CCDC28B: variants seen among roughly 807,000 people sequenced by gnomAD.
CCDC28B encodes coiled-coil domain-containing protein 28B.
Under a neutral mutation model 18.7 loss-of-function variants are expected in CCDC28B, and 17 were observed. The ratio of observed to expected loss-of-function variants is 0.91; its 90% confidence interval spans 0.62 to 1.36. The LOEUF (loss-of-function observed/expected upper bound fraction) is 1.36, where lower values mean the gene tolerates loss of function less well. Ranked by LOEUF, CCDC28B falls within the 40% of genes most tolerant of loss-of-function variation. The probability of loss-of-function intolerance (pLI) is 0.00; values close to 1 mark genes in which losing one functional copy is unlikely to be tolerated. For synonymous variants in CCDC28B, 116 were observed against 105.1 expected (o/e 1.10, Z -0.64); for missense variants, 213 against 251.7 (o/e 0.85, Z 1.04).
upstream of CCDC28B, chr1:32,196,300 A>T (rs923654521): frequency 6.6e-6 from 1 of 152,526 alleles, no homozygotes; most frequent in African/African-American, 2.4e-5. Context: ...TCCCATGTCC[A>T]GCTGCCTCTT....
chr1:32,202,159 G>T (rs1286512965), intron 2 of CCDC28B, 60 bp downstream of exon 2: 3 of 1,601,858 alleles, frequency 1.9e-6, no homozygotes, highest in Non-Finnish European at 2.6e-6. Context: ...ACTGTAGAGA[G>T]GAAGGCAAGG....
chr1:32,199,800 C>T (rs1290564054), upstream of CCDC28B, among the ~76,000 whole-genome samples: 1 of 152,202 alleles, frequency 6.6e-6, no homozygotes, highest in East Asian at 1.9e-4. Flanking sequence ...GCCGCCTGGC[C>T]AAACATGAGC....
At chr1:32,203,767 T>G in intron 2 of CCDC28B, 112 bp from the exon 3 acceptor site, 2 of 773,082 alleles carry the variant, frequency 2.6e-6, no homozygotes, top group Non-Finnish European at 3.8e-6. Flanking sequence ...GATGGGCAGA[T>G]GAGTTAGTGC....
At chr1:32,200,771 T>G (rs1328192736) in intron 1 of CCDC28B, 62 bp downstream of exon 1, 1 of 152,222 alleles carries the variant, frequency 6.6e-6, no homozygotes, top group Non-Finnish European at 1.5e-5. Context: ...ACGCTCTGTC[T>G]TCGAGCGCGG....
In CCDC28B at chr1:32,201,994, C is replaced by A. The variant is rs546560407; in HGVS notation, c.59C>A (p.Ala20Asp). ...PKPCLAQPAQ[A>D]PGTLRRVPVP... is the part of the protein sequence containing the mutation. ...CCCTGCCTGGCCCAGCCAGCCCAGG[C>A]CCCAGGCACACTACGGAGGGTCCCT... Residue 20 changes from alanine (A) to aspartate (D), a missense_variant, in exon 2 of 6, where the codon GCC (alanine) becomes GAC (aspartate). Physicochemically the swap from Ala to Asp is moderately radical, Grantham distance 126. Coordinates refer to ENST00000373602, the MANE Select transcript of CCDC28B (RefSeq NM_024296.5). The A allele has an allele frequency of 2.5e-6, 4 of 1,613,860 alleles. No homozygotes were observed. The highest frequency in any genetic ancestry group is 1.7e-5 in the Admixed American group (1 of 59,996).
Position 32,204,779 on chromosome 1 carries a change from T to C in CCDC28B, c.548+159T>C. Reference sequence around the variant, plus strand: ...CTGCCCAAACCCAGGTACAGGAATTTAGAATTTCCCCAAAATTAGAAGAAA... The same window carrying C: ...CTGCCCAAACCCAGGTACAGGAATTCAGAATTTCCCCAAAATTAGAAGAAA... On this transcript the variant is annotated intron_variant, in intron 5 of 5. Transcript: ENST00000373602. 2.5e-6 allele frequency: 4 copies of C among 1,609,508 alleles called. No homozygotes were observed. The South Asian group carries it at 4.4e-5, about 18-fold the overall frequency.
intron 5 of CCDC28B, 147 bp downstream of exon 5, chr1:32,204,767 G>T (rs1461791010): frequency 6.2e-7 from 1 of 1,612,622 alleles, no homozygotes. Flanking sequence ...CCCAAACCCA[G>T]GTACAGGAAT....
upstream of CCDC28B, chr1:32,198,343 C>T (rs748175908): frequency 6.6e-6 from 1 of 152,318 alleles, no homozygotes; most frequent in Non-Finnish European, 1.5e-5. Flanking sequence ...CATTCAGCCC[C>T]TTCCATCATC....
At position 32,204,218 on chromosome 1, in the gene CCDC28B, G is replaced by A. The variant is rs765375840; in HGVS notation, c.364G>A (p.Val122Ile). 5.0e-6 allele frequency: 8 copies of A among 1,614,128 alleles called. No homozygotes were observed. The Middle Eastern group carries it at 6.6e-4, about 133-fold the overall frequency. ...KECSFEQLEHVREMQEKLARL... is the reference protein window; with the variant it reads ...KECSFEQLEHIREMQEKLARL... ...ATGCTCCTTTGAGCAGCTGGAGCACGTTCGGGAGATGCAGGAGAAGCTAGC... is the reference window on the plus strand; with the variant it reads ...ATGCTCCTTTGAGCAGCTGGAGCACATTCGGGAGATGCAGGAGAAGCTAGC... Residue 122 changes from valine to isoleucine, a missense_variant, in exon 4 of 6, where the codon GTT becomes ATT. Val to Ile is a conservative substitution (Grantham distance 29, BLOSUM62 3). Transcript: ENST00000373602.
upstream of CCDC28B, among the ~76,000 whole-genome samples, chr1:32,199,441 C>G (rs1168651931): frequency 6.6e-6 from 1 of 152,144 alleles, no homozygotes; most frequent in Non-Finnish European, 1.5e-5. Flanking sequence ...TTCTGACCCC[C>G]CAGTGAAGCA....
upstream of CCDC28B, among the ~76,000 whole-genome samples, chr1:32,198,852 A>G (rs781514728): frequency 1.2e-4 from 19 of 152,180 alleles, no homozygotes; most frequent in African/African-American, 3.6e-4. Flanking sequence ...AGGTGTTTCA[A>G]TAGGAAATTG....
rs766218771 is a variant in CCDC28B at position 32,203,964 on chromosome 1, G to A, written c.250G>A (p.Glu84Lys). 1.1e-5 allele frequency: 17 copies of A among 1,580,798 alleles called. No individual in the cohort carries two copies. The highest frequency in any genetic ancestry group is 4.1e-5 in the African/African-American group (3 of 73,696). Residue 84 changes from glutamate (E) to lysine (K), a missense_variant, in exon 3 of 6, where the codon GAG becomes AAG. By Grantham distance (56) the Glu-to-Lys change is moderately conservative. Transcript: ENST00000373602. ...GCCCCTGCAGCACTCCTTCCTGACC[G>A]AGGTGACTGATGTCTATGAGATGGA... The part of the protein sequence containing the change: ...GTPLQHSFLT[E>K]VTDVYEMEGG...
chr1:32,198,161 C>T (rs1643064922), upstream of CCDC28B: 1 of 152,292 alleles, frequency 6.6e-6, no homozygotes, highest in South Asian at 2.1e-4. Flanking sequence ...ATGGCCCAGC[C>T]CGGCCACTCA....
rs1414853142 is a variant in CCDC28B at position 32,203,876 on chromosome 1, C to T, written c.165-3C>T. 3.2e-5 allele frequency: 48 copies of T among 1,502,062 alleles called. No homozygotes were observed. Among genetic ancestry groups the T allele is most frequent in the Non-Finnish European group, 4.3e-5 (48 of 1,126,130 alleles). 93.0% of individuals were successfully genotyped at this position (1,502,062 alleles called of 1,614,324 possible). ...TGATCATGGTCATGTCCACCCCACCCAGAGTAGGCAAAGAGAAGTGCCGCC... is the reference window on the plus strand; with the variant it reads ...TGATCATGGTCATGTCCACCCCACCTAGAGTAGGCAAAGAGAAGTGCCGCC... On this transcript the variant is annotated splice_polypyrimidine_tract_variant and splice_region_variant and intron_variant, in intron 2 of 5. Transcript: ENST00000373602.
intron 2 of CCDC28B, 51 bp from the exon 3 acceptor site, chr1:32,203,828 G>A (rs140759385): frequency 1.1e-5 from 15 of 1,423,420 alleles, no homozygotes; most frequent in South Asian, 3.1e-5. Context: ...AGATCGGGAG[G>A]TGCCTGACTG....
At chr1:32,204,123 T>G in intron 3 of CCDC28B, 63 bp from the exon 4 acceptor site, 1 of 1,606,174 alleles carries the variant, frequency 6.2e-7, no homozygotes, top group East Asian at 2.2e-5. Context: ...GCTGGGACCA[T>G]GGTTCCAGGG....
At chr1:32,198,894 A>C (rs1379150289), upstream of CCDC28B, among the ~76,000 whole-genome samples, 1 of 152,192 alleles carries the variant, frequency 6.6e-6, no homozygotes, top group Non-Finnish European at 1.5e-5. Context: ...AAAGGCATGG[A>C]GCCAGGCATA....
chr1:32,204,217 C>T lies in CCDC28B; in HGVS notation c.363C>T (p.His121=), dbSNP rs566246384. Residue 121 remains histidine, a synonymous_variant, in exon 4 of 6, where the codon CAC becomes CAT. Coordinates refer to ENST00000373602, the MANE Select transcript of CCDC28B (RefSeq NM_024296.5). The part of the protein sequence containing the change: ...GKECSFEQLE[H]VREMQEKLAR... The stretch of plus-strand genomic sequence containing the variant: ...AATGCTCCTTTGAGCAGCTGGAGCA[C>T]GTTCGGGAGATGCAGGAGAAGCTAG... 16 of 1,613,926 alleles carry T rather than the reference C, an allele frequency of 9.9e-6. No homozygotes were observed. In the East Asian group the frequency reaches 1.3e-4, roughly 13 times the overall value.
rs1262662720 is a variant in CCDC28B at position 32,204,378 on chromosome 1, A to G, written c.524A>G (p.Asn175Ser). Residue 175 changes from asparagine (N) to serine (S), a missense_variant and splice_region_variant, in exon 4 of 6, where the codon AAT (asparagine) becomes AGT (serine). Transcript: ENST00000373602. ...CGTAACCTGGACCAGCTGCTTAGCA[A>G]TGTGGGTTCATGTCTGGGTGCTTTG... The part of the protein sequence containing the change: ...ADRNLDQLLS[N>S]LEDLSNSIQK... The G allele has an allele frequency of 6.4e-7, 1 of 1,568,884 alleles. No individual in the cohort carries two copies. Among genetic ancestry groups the G allele is most frequent in the East Asian group, 2.2e-5 (1 of 44,550 alleles).
Sources: gnomAD v4.1 joint callset for allele counts (sites outside exome capture counted in the v4.1 genomes callset) on GRCh38, gnomAD v4.1.1 for gene constraint, MANE v1.5 for transcripts, NCBI Gene and HGNC (gene_info 2026-07-23, HGNC 2026-07-21) for gene names.